MAPKBP1: variants seen among roughly 807,000 people sequenced by gnomAD.
MAPKBP1 encodes the protein mitogen-activated protein kinase-binding protein 1.
In MAPKBP1, 71 loss-of-function variants were observed where a neutral mutation model predicts 170.5. The observed-to-expected ratio is 0.42, with a 90% CI of 0.34 to 0.51. The LOEUF (loss-of-function observed/expected upper bound fraction) is 0.51, where lower values mean the gene tolerates loss of function less well. MAPKBP1 is among the 20% of genes least tolerant of loss of function. The pLI is 0.06. For missense variants in MAPKBP1, 1,598 were observed against 1,933.0 expected, an observed-to-expected ratio of 0.83 and a Z score of 3.25; for synonymous variants, 719 against 757.9, an observed-to-expected ratio of 0.95 and a Z score of 0.84.
intron 5 of MAPKBP1, 52 bp from the exon 6 acceptor site, chr15:41,811,905 G>C (rs536183300): frequency 6.3e-7 from 1 of 1,596,944 alleles, no homozygotes; most frequent in African/African-American, 1.3e-5. Flanking sequence ...AAGTGGGGCT[G>C]TATGCCTGTG....
At chr15:41,810,522 C>T (rs1464512570) in intron 3 of MAPKBP1, among the ~76,000 whole-genome samples, 3 of 137,900 alleles carry the variant, frequency 2.2e-5, no homozygotes, top group South Asian at 2.3e-4. Context: ...GCCTGGGCAA[C>T]GTGGCAAGAT....
chr15:41,819,182 C>G, intron 20 of MAPKBP1, 64 bp from the exon 21 acceptor site: 3 of 1,580,844 alleles, frequency 1.9e-6, no homozygotes, highest in South Asian at 1.1e-5. Context: ...CTTCTTCCCC[C>G]ACTGAGCCTC....
chr15:41,775,710 C>T (rs1448898547), intron 2 of MAPKBP1, among the ~76,000 whole-genome samples: 1 of 152,204 alleles, frequency 6.6e-6, no homozygotes, highest in Non-Finnish European at 1.5e-5. Context: ...TGGGAGAGGA[C>T]AGTAGGAACA....
At chr15:41,804,099 C>CA (rs2064649930) in intron 3 of MAPKBP1, among the ~76,000 whole-genome samples, 1 of 152,232 alleles carries the variant, frequency 6.6e-6, no homozygotes, top group Non-Finnish European at 1.5e-5. Flanking sequence ...ATTGGCCTCC[C>CA]AAAGTGCTGG....
In MAPKBP1 at chr15:41,821,738, C is replaced by G; in HGVS notation, c.2873C>G (p.Thr958Ser). ...IVYPEPSDNPTMDTSEFQVQA... is the reference protein window; with the variant it reads ...IVYPEPSDNPSMDTSEFQVQA... ...TACCCGGAGCCGAGTGACAACCCCA[C>G]CATGGATACCAGGCAAGGATCCTGC... The change falls in exon 24 of 31, where the codon ACC becomes AGC. Residue 958 changes from threonine (T) to serine (S), a missense_variant. By Grantham distance (58) the Thr-to-Ser change is moderately conservative. Transcript: ENST00000457542. 1 of 1,613,896 alleles carries G rather than the reference C, an allele frequency of 6.2e-7. No individual in the cohort carries two copies. Among genetic ancestry groups the G allele is most frequent in the Non-Finnish European group, 8.5e-7 (1 of 1,180,002 alleles).
At chr15:41,785,511 T>C (rs2064268628) in intron 2 of MAPKBP1, among the ~76,000 whole-genome samples, 1 of 152,218 alleles carries the variant, frequency 6.6e-6, no homozygotes, top group Admixed American at 6.5e-5. Flanking sequence ...ATGAGCATGC[T>C]TTTTAACAGC....
At chr15:41,803,716 T>TA (rs1415933106) in intron 3 of MAPKBP1, among the ~76,000 whole-genome samples, 1 of 151,950 alleles carries the variant, frequency 6.6e-6, no homozygotes, top group Non-Finnish European at 1.5e-5. Flanking sequence ...CCCTGCCTCT[T>TA]AAAAAAACCA....
Position 41,823,150 on chromosome 15 carries a change from A to C in MAPKBP1, c.3526A>C (p.Lys1176Gln). 6.2e-7 allele frequency: 1 copy of C among 1,613,620 alleles called. No homozygotes were observed. The highest frequency in any genetic ancestry group is 8.5e-7 in the Non-Finnish European group (1 of 1,180,000). The stretch of plus-strand genomic sequence containing the variant: ...CAACCCTGACAGCAGCTGGGCTCCC[A>C]AGAGAGTGGCCACAGCCAGCCCCTT... ...RLNPDSSWAP[K>Q]RVATASPFSG... is the part of the protein sequence containing the mutation. Residue 1176 changes from lysine (K) to glutamine (Q), a missense_variant, in exon 28 of 31, where the codon AAG (lysine) becomes CAG (glutamine). Lys to Gln is a moderately conservative substitution (Grantham distance 53). Coordinates refer to ENST00000457542, the MANE Select transcript of MAPKBP1 (RefSeq NM_014994.3).
rs1369684050 is a variant in MAPKBP1, at chr15:41,791,467, C to A, written c.115-8356C>A. Among the ~76,000 whole-genome samples the A allele has an allele frequency of 5.9e-5, 9 of 152,174 alleles. No individual in the cohort carries two copies. In the East Asian group the frequency reaches 1.7e-3, roughly 29 times the overall value. On this transcript the variant is annotated intron_variant, in intron 2 of 30. Transcript: ENST00000457542. ...TCTGTTGTGGGTCCAAGCAGGAAGCCCTTCCTAACAGTGCCACTGTCTTGG... is the reference window on the plus strand; with the variant it reads ...TCTGTTGTGGGTCCAAGCAGGAAGCACTTCCTAACAGTGCCACTGTCTTGG...
intron 3 of MAPKBP1, among the ~76,000 whole-genome samples, chr15:41,800,797 G>T (rs538847627): frequency 2.6e-5 from 4 of 152,252 alleles, no homozygotes; most frequent in African/African-American, 9.6e-5. Context: ...TTGTTGCCCA[G>T]CCTGGAGTGC....
At chr15:41,815,565 C>A in intron 11 of MAPKBP1, 59 bp from the exon 12 acceptor site, 1 of 1,568,824 alleles carries the variant, frequency 6.4e-7, no homozygotes, top group East Asian at 2.3e-5. Flanking sequence ...GCTTTCTTGC[C>A]CCTTGCAGCT....
Position 41,811,158 on chromosome 15 carries a change from G to A in MAPKBP1, c.270-20G>A, listed in dbSNP as rs1356806828. 6.2e-7 allele frequency: 1 copy of A among 1,613,980 alleles called. No homozygotes were observed. Among genetic ancestry groups the A allele is most frequent in the Non-Finnish European group, 8.5e-7 (1 of 1,179,934 alleles). On this transcript the variant is annotated intron_variant, in intron 4 of 30. Transcript: ENST00000457542. ...GGCCAGGCTGCCAGTGCCCCTCTGAGCCTGCCCCATCTCTTGCAGGAAAAC... is the reference window on the plus strand; with the variant it reads ...GGCCAGGCTGCCAGTGCCCCTCTGAACCTGCCCCATCTCTTGCAGGAAAAC...
At chr15:41,789,662 G>C (rs1050604112) in intron 2 of MAPKBP1, among the ~76,000 whole-genome samples, 4 of 152,152 alleles carry the variant, frequency 2.6e-5, no homozygotes, top group African/African-American at 9.7e-5. Flanking sequence ...GACCACATGG[G>C]ATACTCTGGC....
intron 23 of MAPKBP1, 127 bp from the exon 24 acceptor site, chr15:41,821,457 T>A (rs2064993653): frequency 1.2e-6 from 1 of 857,036 alleles, no homozygotes. Context: ...GCACACCGCA[T>A]CCTTACTCAC....
intron 5 of MAPKBP1, chr15:41,811,469 G>A (rs2064804814): frequency 2.9e-6 from 2 of 695,686 alleles, no homozygotes; most frequent in Non-Finnish European, 5.2e-6. Flanking sequence ...GATTCTGTAG[G>A]TCTGGGATGG....
chr15:41,816,248 G>A, intron 12 of MAPKBP1: 2 of 404,208 alleles, frequency 4.9e-6, no homozygotes, highest in Non-Finnish European at 8.9e-6. Context: ...TTGGATTCTG[G>A]ATAGGATCTA....
intron 2 of MAPKBP1, among the ~76,000 whole-genome samples, chr15:41,781,286 G>C (rs1233347074): frequency 6.6e-6 from 1 of 152,018 alleles, no homozygotes; most frequent in African/African-American, 2.4e-5. Context: ...ATGTTGGCCA[G>C]GCTGGTCTCG....
chr15:41,790,834 A>G (rs1293145363), intron 2 of MAPKBP1, among the ~76,000 whole-genome samples: 1 of 152,142 alleles, frequency 6.6e-6, no homozygotes, highest in Non-Finnish European at 1.5e-5. Context: ...AGCAACAGGA[A>G]TGAGTTAGCC....
At chr15:41,786,777 A>AAAAAAAAAAAAAATATATATAT in intron 2 of MAPKBP1, among the ~76,000 whole-genome samples, 2 of 32,470 alleles carry the variant, frequency 6.2e-5, no homozygotes, top group Admixed American at 3.9e-4. Flanking sequence ...AAAAAAAAAA[A>AAAAAAAAAAAAAATATATATAT]ATATATATAT....
Sources: gnomAD v4.1 joint callset for allele counts (sites outside exome capture counted in the v4.1 genomes callset) on GRCh38, gnomAD v4.1.1 for gene constraint, MANE v1.5 for transcripts, NCBI Gene and HGNC (gene_info 2026-07-23, HGNC 2026-07-21) for gene names.